PCGF3: variants seen among roughly 807,000 people sequenced by gnomAD.
The protein encoded by PCGF3 is polycomb group RING finger protein 3.
In PCGF3, 7 loss-of-function variants were observed where a neutral mutation model predicts 33.1. The ratio of observed to expected loss-of-function variants is 0.21; its 90% CI spans 0.12 to 0.40. The LOEUF is 0.40. Ranked by LOEUF, PCGF3 falls within the 10% of genes least tolerant of loss-of-function variation. PCGF3 has a pLI of 1.00. For missense variants in PCGF3, 211 were observed against 313.3 expected (o/e 0.67, Z 2.46); for synonymous variants, 153 against 121.3 (o/e 1.26, Z -1.72).
At position 720,348 on chromosome 4, in the gene PCGF3, G is replaced by A. The variant is rs373284029; in HGVS notation, c.-189-10282G>A. Among the ~76,000 whole-genome samples, 3 of 152,100 alleles carry A rather than the reference G, an allele frequency of 2.0e-5. No homozygotes were observed. The highest frequency in any genetic ancestry group is 4.8e-5 in the African/African-American group (2 of 41,434). On this transcript the variant is annotated intron_variant, in intron 1 of 10. Transcript: ENST00000362003. The surrounding 1 kb of genome is among the most constrained non-coding windows in gnomAD (Gnocchi z 5.6). Reference sequence around the variant, plus strand: ...ACTGCGGGAGGAGCGCCTGTGCATCGCTGTGGAGGGTGACTGTGCAGGAGG... The same window carrying A: ...ACTGCGGGAGGAGCGCCTGTGCATCACTGTGGAGGGTGACTGTGCAGGAGG...
chr4:705,983 G>T lies in PCGF3; in HGVS notation c.-190+13G>T, dbSNP rs976715503. On this transcript the variant is annotated intron_variant, in intron 1 of 10. Coordinates refer to ENST00000362003, the Ensembl canonical transcript of PCGF3. ...CCCGAGACCGCAGGTCAGTGAGTCCGCCCCGCCTGGCCTGGGCCCTCGGCG... is the reference window on the plus strand; with the variant it reads ...CCCGAGACCGCAGGTCAGTGAGTCCTCCCCGCCTGGCCTGGGCCCTCGGCG... The T allele has an allele frequency of 1.3e-5, 2 of 152,086 alleles. No individual in the cohort carries two copies. The highest frequency in any genetic ancestry group is 6.5e-5 in the Admixed American group (1 of 15,276). 9.4% of individuals were successfully genotyped at this position (152,086 alleles called of 1,614,324 possible). A position where few individuals can be genotyped will look rare whatever the true frequency, so the allele number is the denominator to read the frequency against.
At chr4:755,239 C>T (rs1244572241) in intron 8 of PCGF3, among the ~76,000 whole-genome samples, 1 of 152,188 alleles carries the variant, frequency 6.6e-6, no homozygotes, top group Non-Finnish European at 1.5e-5. Context: ...GTGACCAGCC[C>T]ATCACTCTTC....
chr4:755,514 C>T (rs1450888440), intron 8 of PCGF3, among the ~76,000 whole-genome samples: 1 of 152,206 alleles, frequency 6.6e-6, no homozygotes, highest in South Asian at 2.1e-4. Flanking sequence ...CGGCTTTCTT[C>T]GACCTATCAT....
At chr4:717,670 G>A (rs1377393280) in intron 1 of PCGF3, among the ~76,000 whole-genome samples, 2 of 152,188 alleles carry the variant, frequency 1.3e-5, no homozygotes, top group African/African-American at 2.4e-5. Flanking sequence ...GAGCCACCGC[G>A]CCCGGCTGTG....
At chr4:706,002 C>T (rs1375061651) in intron 1 of PCGF3, 32 bp downstream of exon 1, 1 of 152,282 alleles carries the variant, frequency 6.6e-6, no homozygotes, top group Non-Finnish European at 1.5e-5. Flanking sequence ...GGCCTGGGCC[C>T]TCGGCGCCCG....
At position 721,515 on chromosome 4, in the gene PCGF3, G is replaced by A. The variant is rs1453148230; in HGVS notation, c.-189-9115G>A. On this transcript the variant is annotated intron_variant, in intron 1 of 10. Transcript: ENST00000362003. This position sits in a 1 kb window ranked among gnomAD's most constrained non-coding sequence, Gnocchi z 4.1. ...CCGGGGTGGAGAGCGGAAGAGAGAG[G>A]GAGTCGGTGCCTTAGGAGGCTGCGG... 1.3e-5 allele frequency among the ~76,000 whole-genome samples: 2 copies of A among 152,070 alleles called. No homozygotes were observed. The highest frequency in any genetic ancestry group is 2.4e-5 in the African/African-American group (1 of 41,388).
At chr4:738,062 G>A (rs925589081) in intron 6 of PCGF3, among the ~76,000 whole-genome samples, 1 of 152,256 alleles carries the variant, frequency 6.6e-6, no homozygotes, top group Non-Finnish European at 1.5e-5. Context: ...ACACTCTCAC[G>A]GTGGTGGCCC....
intron 1 of PCGF3, among the ~76,000 whole-genome samples, chr4:729,098 T>C (rs1743444291): frequency 2.2e-5 from 1 of 44,752 alleles, no homozygotes; most frequent in Non-Finnish European, 3.7e-5. Context: ...AGACTCCATC[T>C]CAAAAAAAAA....
At chr4:767,204 C>A (rs906660686) in exon 11 of PCGF3, 6 of 152,272 alleles carry the variant, frequency 3.9e-5, no homozygotes, top group Non-Finnish European at 7.3e-5. Flanking sequence ...TCTGCAGAAG[C>A]TGCATTTCAG....
At chr4:734,535 G>A in intron 4 of PCGF3, 1 of 1,178,894 alleles carries the variant, frequency 8.5e-7, no homozygotes, top group Non-Finnish European at 1.1e-6. Context: ...TTTTATGTTA[G>A]GTTATTTTCA....
chr4:716,840 G>A (rs955750777), intron 1 of PCGF3, among the ~76,000 whole-genome samples: 4 of 142,334 alleles, frequency 2.8e-5, no homozygotes, highest in African/African-American at 1.1e-4. Flanking sequence ...CGTCGGTGCT[G>A]GGACCCTCTA....
At chr4:725,171 TG>T (rs1359315748) in intron 1 of PCGF3, 1 of 152,264 alleles carries the variant, frequency 6.6e-6, no homozygotes. Context: ...CTTCTGTGGT[TG>T]GTTTTGATGA....
At chr4:713,197 G>A (rs1742651133) in intron 1 of PCGF3, among the ~76,000 whole-genome samples, 1 of 135,534 alleles carries the variant, frequency 7.4e-6, no homozygotes, top group African/African-American at 2.9e-5. Context: ...TGTGGGTCCT[G>A]TGTGGCCTGG....
chr4:742,723 GTGGGTGAGGA>G (rs1435675362), intron 6 of PCGF3, among the ~76,000 whole-genome samples: 2 of 152,244 alleles, frequency 1.3e-5, no homozygotes, highest in East Asian at 1.9e-4. Flanking sequence ...AATGGCAGGT[GTGGGTGAGGA>G]TGCTGCGGCC....
intron 6 of PCGF3, among the ~76,000 whole-genome samples, chr4:742,112 G>A (rs767535581): frequency 5.9e-5 from 9 of 151,494 alleles, no homozygotes; most frequent in Non-Finnish European, 1.2e-4. Flanking sequence ...TTGGCTCTCA[G>A]GGTCCCCTCC....
intron 1 of PCGF3, among the ~76,000 whole-genome samples, chr4:714,812 G>A (rs914248350): frequency 1.3e-5 from 2 of 152,260 alleles, no homozygotes; most frequent in African/African-American, 2.4e-5. Context: ...GGGCACTCCC[G>A]ATTTTGAGGT....
At chr4:744,364 T>A (rs1444092886) in intron 7 of PCGF3, among the ~76,000 whole-genome samples, 1 of 152,214 alleles carries the variant, frequency 6.6e-6, no homozygotes, top group Non-Finnish European at 1.5e-5. Flanking sequence ...CTGCCCCGTC[T>A]CTGTCTCCTG....
exon 11 of PCGF3, chr4:768,399 C>A (rs1745473606): frequency 1.3e-5 from 2 of 152,204 alleles, no homozygotes; most frequent in South Asian, 4.1e-4. Context: ...GTCAACCTCT[C>A]ATTTCACAGA....
intron 8 of PCGF3, among the ~76,000 whole-genome samples, chr4:748,701 C>G (rs1000213127): frequency 6.6e-6 from 1 of 152,150 alleles, no homozygotes; most frequent in Non-Finnish European, 1.5e-5. Flanking sequence ...ACTGCCATGC[C>G]TGGTTTCCGA....
Sources: gnomAD v4.1 joint callset for allele counts (sites outside exome capture counted in the v4.1 genomes callset) on GRCh38, gnomAD v4.1.1 for gene constraint, Gnocchi (gnomAD v3.1) non-coding constraint, MANE v1.5 for transcripts, NCBI Gene and HGNC (gene_info 2026-07-23, HGNC 2026-07-21) for gene names.